Variants in CLCF1 observed in about 807,000 individuals in gnomAD.
The protein encoded by CLCF1 is cardiotrophin like cytokine factor 1, also known as cardiotrophin-like cytokine factor 1.
A neutral mutation model predicts 21.2 loss-of-function variants in CLCF1; 10 were observed. The ratio of observed to expected loss-of-function variants is 0.47; its 90% confidence interval spans 0.29 to 0.80. The LOEUF (loss-of-function observed/expected upper bound fraction) is 0.80, where lower values mean the gene tolerates loss of function less well. Among genes scored for constraint, CLCF1 ranks in the 30% least tolerant of loss-of-function variants. CLCF1 has a pLI of 0.09. For synonymous variants in CLCF1, 115 were observed against 120.5 expected (o/e 0.95, Z 0.30); for missense variants, 240 against 293.4 (o/e 0.82, Z 1.33).
In CLCF1 at chr11:67,365,892, G is replaced by T. The variant is rs1290749299; in HGVS notation, c.184-262C>A. 1.3e-5 allele frequency among the ~76,000 whole-genome samples: 2 copies of T among 152,180 alleles called. No individual in the cohort carries two copies. Among genetic ancestry groups the T allele is most frequent in the Non-Finnish European group, 2.9e-5 (2 of 68,032 alleles). ...AGGAGGAGGAGGAGACGCACAAGAC[G>T]CTCAGGAAGGACGTGCTGATTGGCT... On this transcript the variant is annotated intron_variant, in intron 2 of 2. Coordinates refer to ENST00000312438, the MANE Select transcript of CLCF1 (RefSeq NM_013246.3). The surrounding 1 kb of genome is among the most constrained non-coding windows in gnomAD (Gnocchi z 5.0).
chr11:67,365,438 T>C lies in CLCF1; in HGVS notation c.376A>G (p.Thr126Ala), dbSNP rs1862075074. 1 of 1,613,644 alleles carries C rather than the reference T, an allele frequency of 6.2e-7. No homozygotes were observed. Among genetic ancestry groups the C allele is most frequent in the African/African-American group, 1.3e-5 (1 of 74,940 alleles). The change falls in exon 3 of 3, where the codon ACT (threonine) becomes GCT (alanine). Residue 126 changes from threonine to alanine, a missense_variant. By Grantham distance (58) the Thr-to-Ala change is moderately conservative (BLOSUM62 0). Transcript: ENST00000312438. The surrounding 1 kb of genome is among the most constrained non-coding windows in gnomAD (Gnocchi z 5.0). ...YLRGLNRQAA[T>A]AELRRSLAHF... ...GCCAGGCTGCGGCGCAGCTCAGCAGTGGCAGCCTGACGGTTGAGGCCACGC... is the reference window on the plus strand; with the variant it reads ...GCCAGGCTGCGGCGCAGCTCAGCAGCGGCAGCCTGACGGTTGAGGCCACGC...
chr11:67,368,345 G>A (rs1301008568), intron 1 of CLCF1: 3 of 985,232 alleles, frequency 3.0e-6, no homozygotes, highest in Non-Finnish European at 3.6e-6. Flanking sequence ...TGTTAGGTGG[G>A]GAAAAGTTGG....
Position 67,365,679 on chromosome 11 carries a change from C to A in CLCF1, c.184-49G>T. 1.3e-6 allele frequency: 2 copies of A among 1,559,838 alleles called. No homozygotes were observed. Among genetic ancestry groups the A allele is most frequent in the South Asian group, 1.2e-5 (1 of 83,304 alleles). On this transcript the variant is annotated intron_variant, in intron 2 of 2. Transcript: ENST00000312438. The surrounding 1 kb of genome is among the most constrained non-coding windows in gnomAD (Gnocchi z 5.0). ...GGAAGGAGGAGGGCAGAGCCGCTGGCTCACCACCAAGGAGATACCTGCTCC... is the reference window on the plus strand; with the variant it reads ...GGAAGGAGGAGGGCAGAGCCGCTGGATCACCACCAAGGAGATACCTGCTCC...
In CLCF1 at chr11:67,365,140, A is replaced by C. The variant is rs1590912016; in HGVS notation, c.674T>G (p.Phe225Cys). 1.9e-6 allele frequency: 3 copies of C among 1,613,832 alleles called. No individual in the cohort carries two copies. The highest frequency in any genetic ancestry group is 2.5e-6 in the Non-Finnish European group (3 of 1,180,026). ...CGAAGAGGAGAAGGTCAGAAGTCAG[A>C]AGCCATGAGCCCCCAGGTGCAGGGT... Reference protein sequence around the residue: ...AVTLHLGAHGF With the variant: ...AVTLHLGAHGC Residue 225 changes from phenylalanine (F) to cysteine (C), a missense_variant, in exon 3 of 3, where the codon TTC becomes TGC. Phe to Cys is a radical substitution (Grantham distance 205). Coordinates refer to ENST00000312438, the MANE Select transcript of CLCF1 (RefSeq NM_013246.3). This position sits in a 1 kb window ranked among gnomAD's most constrained non-coding sequence, Gnocchi z 5.0.
At chr11:67,369,926 G>GA (rs3837414) in intron 1 of CLCF1, 20 of 984,244 alleles carry the variant, frequency 2.0e-5, no homozygotes, top group Non-Finnish European at 2.3e-5. Context: ...CATCTGGGCA[G>GA]AAAAAAACGG....
intron 1 of CLCF1, chr11:67,368,191 G>A (rs1862157633): frequency 1.0e-6 from 1 of 985,354 alleles, no homozygotes. Flanking sequence ...CACTAGGGTC[G>A]GGCTGCCTTA....
At chr11:67,366,410 G>A (rs1433163724) in intron 2 of CLCF1, among the ~76,000 whole-genome samples, 2 of 152,172 alleles carry the variant, frequency 1.3e-5, no homozygotes, top group Non-Finnish European at 2.9e-5. Flanking sequence ...CTGAGGGGCT[G>A]GGGAGAGACG....
At chr11:67,368,315 G>C in intron 1 of CLCF1, 1 of 985,400 alleles carries the variant, frequency 1.0e-6, no homozygotes, top group Non-Finnish European at 1.2e-6. Flanking sequence ...TGGCAGTGTG[G>C]AGGTTCACCC....
chr11:67,369,069 G>A (rs1782128338), intron 1 of CLCF1: 1 of 984,848 alleles, frequency 1.0e-6, no homozygotes, highest in South Asian at 4.7e-5. Context: ...GATGGGATTT[G>A]GATTCAAGAA....
intron 1 of CLCF1, chr11:67,370,350 G>C (rs968797851): frequency 2.0e-6 from 2 of 985,114 alleles, no homozygotes; most frequent in Admixed American, 6.1e-5. Context: ...GGTGGACCCC[G>C]GCCACTGGGG....
intron 1 of CLCF1, 47 bp from the exon 2 acceptor site, chr11:67,367,673 C>A (rs369972181): frequency 4.5e-6 from 7 of 1,572,986 alleles, no homozygotes; most frequent in African/African-American, 1.4e-5. Flanking sequence ...CGGGCCCACA[C>A]GGGGAAGCAG....
chr11:67,367,196 C>A (rs550669012), intron 2 of CLCF1, among the ~76,000 whole-genome samples: 1 of 151,362 alleles, frequency 6.6e-6, no homozygotes, highest in Non-Finnish European at 1.5e-5. Context: ...CAGGGGGAGG[C>A]GGGCGGCTGG....
At chr11:67,370,385 C>T (rs1227912393) in intron 1 of CLCF1, 2 of 984,314 alleles carry the variant, frequency 2.0e-6, no homozygotes, top group African/African-American at 3.5e-5. Flanking sequence ...CCCCTCTCCC[C>T]CTCCCCACCA....
Position 67,365,743 on chromosome 11 carries a change from G to A in CLCF1, c.184-113C>T. 6.9e-7 allele frequency: 1 copy of A among 1,446,680 alleles called. No homozygotes were observed. The highest frequency in any genetic ancestry group is 9.2e-7 in the Non-Finnish European group (1 of 1,083,518). 89.6% of individuals were successfully genotyped at this position (1,446,680 alleles called of 1,614,324 possible). A position where few individuals can be genotyped will look rare whatever the true frequency, so the allele number is the denominator to read the frequency against. On this transcript the variant is annotated intron_variant, in intron 2 of 2. Coordinates refer to ENST00000312438, the MANE Select transcript of CLCF1 (RefSeq NM_013246.3). The surrounding 1 kb of genome is among the most constrained non-coding windows in gnomAD (Gnocchi z 5.0). Reference sequence around the variant, plus strand: ...TTTTGTGTCCCCTGACACTGGCCCTGTCTCCATGCTAGGCTTCTTTGTTCA... The same window carrying A: ...TTTTGTGTCCCCTGACACTGGCCCTATCTCCATGCTAGGCTTCTTTGTTCA...
chr11:67,370,625 C>T (rs1303874497), intron 1 of CLCF1: 3 of 983,708 alleles, frequency 3.0e-6, no homozygotes, highest in African/African-American at 3.6e-5. Context: ...CACACACACA[C>T]ACACACTCTC....
upstream of CLCF1, chr11:67,373,676 G>GT: frequency 8.1e-7 from 1 of 1,227,072 alleles, no homozygotes; most frequent in Non-Finnish European, 1.0e-6. Flanking sequence ...CTCGGTTTCG[G>GT]ATTTTTTTTT....
At chr11:67,370,239 G>T in intron 1 of CLCF1, 1 of 985,378 alleles carries the variant, frequency 1.0e-6, no homozygotes, top group South Asian at 4.7e-5. Context: ...CGGTTTAGTC[G>T]TGAGCTTGGG....
chr11:67,365,625 G>A lies in CLCF1; in HGVS notation c.189C>T (p.Asn63=). The A allele has an allele frequency of 1.2e-6, 2 of 1,607,864 alleles. No individual in the cohort carries two copies. Among genetic ancestry groups the A allele is most frequent in the Non-Finnish European group, 1.7e-6 (2 of 1,175,220 alleles). The change falls in exon 3 of 3, where the codon AAC becomes AAT. Residue 63 remains asparagine (N), a synonymous_variant. Transcript: ENST00000312438. The surrounding 1 kb of genome is among the most constrained non-coding windows in gnomAD (Gnocchi z 5.0). ...GCTCGTTGAAAGGGGGGCCCAGGTAGTTCAGCTGTGAAAAGGAGAGGGTGA... is the reference window on the plus strand; with the variant it reads ...GCTCGTTGAAAGGGGGGCCCAGGTAATTCAGCTGTGAAAAGGAGAGGGTGA... ...QLRSLAGTYL[N]YLGPPFNEPD...
intron 2 of CLCF1, among the ~76,000 whole-genome samples, chr11:67,366,401 T>G (rs940950657): frequency 6.6e-6 from 1 of 152,066 alleles, no homozygotes; most frequent in Non-Finnish European, 1.5e-5. Context: ...GCCCACCAGC[T>G]GAGGGGCTGG....
Sources: gnomAD v4.1 joint callset for allele counts (sites outside exome capture counted in the v4.1 genomes callset) on GRCh38, gnomAD v4.1.1 for gene constraint, Gnocchi (gnomAD v3.1) non-coding constraint, MANE v1.5 for transcripts, NCBI Gene and HGNC (gene_info 2026-07-23, HGNC 2026-07-21) for gene names.